Variants in PTK2 observed in about 807,000 individuals in gnomAD.
PTK2 encodes the protein focal adhesion kinase 1.
PTK2 carries 45 observed loss-of-function variants against 150.1 expected under a neutral mutation model. The ratio of observed to expected loss-of-function variants is 0.30; its 90% CI spans 0.24 to 0.38. PTK2 has a LOEUF of 0.38. Ranked by LOEUF, PTK2 falls within the 10% of genes least tolerant of loss-of-function variation. The probability of loss-of-function intolerance (pLI) is 1.00; values close to 1 mark genes in which losing one functional copy is unlikely to be tolerated. For missense variants in PTK2, 919 were observed against 1,307.3 expected (o/e 0.70, Z 4.58); for synonymous variants, 432 against 449.2 (o/e 0.96, Z 0.48).
intron 2 of PTK2, among the ~76,000 whole-genome samples, chr8:140,910,135 A>G (rs1476922976): frequency 6.6e-6 from 1 of 152,212 alleles, no homozygotes; most frequent in Admixed American, 6.5e-5. Flanking sequence ...CAATTTTACA[A>G]AACAGTAAGA....
At chr8:140,819,074 C>T in intron 8 of PTK2, 54 bp from the exon 9 acceptor site, 1 of 1,565,892 alleles carries the variant, frequency 6.4e-7, no homozygotes, top group Non-Finnish European at 8.7e-7. Flanking sequence ...GAGTAAAGAC[C>T]ACAACAATAA....
At chr8:140,913,132 C>T (rs2100163879) in intron 2 of PTK2, among the ~76,000 whole-genome samples, 1 of 151,942 alleles carries the variant, frequency 6.6e-6, no homozygotes, top group Non-Finnish European at 1.5e-5. Context: ...ATATAAAGGT[C>T]AGAAAAGAAA....
chr8:140,923,336 G>A (rs2100168237), intron 2 of PTK2, among the ~76,000 whole-genome samples: 1 of 152,052 alleles, frequency 6.6e-6, no homozygotes, highest in Non-Finnish European at 1.5e-5. Flanking sequence ...CTTTTATCAA[G>A]CAACTATAGC....
intron 14 of PTK2, among the ~76,000 whole-genome samples, chr8:140,781,478 G>T (rs2100081659): frequency 6.6e-6 from 1 of 152,068 alleles, no homozygotes; most frequent in Admixed American, 6.5e-5. Context: ...ATAGCGTGGG[G>T]GCTGCTTGGG....
intron 16 of PTK2, among the ~76,000 whole-genome samples, chr8:140,755,025 T>C (rs978661835): frequency 2.6e-5 from 4 of 152,250 alleles, no homozygotes; most frequent in African/African-American, 9.6e-5. Context: ...TACCACCTTG[T>C]GGCCACTATG....
chr8:140,760,806 G>T (rs2100069003), intron 16 of PTK2, among the ~76,000 whole-genome samples: 1 of 151,970 alleles, frequency 6.6e-6, no homozygotes, highest in Non-Finnish European at 1.5e-5. Context: ...GGGTAAACTG[G>T]GGCAAATTAA....
chr8:140,868,176 T>C (rs565708848), intron 4 of PTK2, among the ~76,000 whole-genome samples: 1 of 152,256 alleles, frequency 6.6e-6, no homozygotes, highest in East Asian at 1.9e-4. Flanking sequence ...GGAGAGGGTA[T>C]GTTTTTGAAA....
At chr8:140,748,496 CAAAAA>C (rs61423469) in intron 17 of PTK2, among the ~76,000 whole-genome samples, 23 of 111,564 alleles carry the variant, frequency 2.1e-4, no homozygotes, top group South Asian at 8.9e-4. Flanking sequence ...GACTCTGTCT[CAAAAA>C]AAAAAAAAAA....
chr8:140,702,343 C>T (rs554420227), intron 25 of PTK2, among the ~76,000 whole-genome samples: 4 of 150,924 alleles, frequency 2.7e-5, no homozygotes, highest in Non-Finnish European at 5.9e-5. Context: ...CCCCAGCATC[C>T]CGAGTAGCTG....
intron 20 of PTK2, among the ~76,000 whole-genome samples, chr8:140,741,483 A>G (rs1325889960): frequency 6.6e-6 from 1 of 151,722 alleles, no homozygotes; most frequent in African/African-American, 2.4e-5. Flanking sequence ...ATAAATAAAA[A>G]TTAAAAATGA....
At chr8:140,831,637 C>T (rs953503454) in intron 7 of PTK2, among the ~76,000 whole-genome samples, 12 of 152,188 alleles carry the variant, frequency 7.9e-5, no homozygotes, top group African/African-American at 2.7e-4. Context: ...CTCATTCTTT[C>T]TTATTCTGAT....
chr8:140,674,903 G>T (rs1374882876), intron 28 of PTK2, among the ~76,000 whole-genome samples: 1 of 133,452 alleles, frequency 7.5e-6, no homozygotes, highest in Non-Finnish European at 1.7e-5. Flanking sequence ...AAAAAAAAAA[G>T]AAAAGAAAAG....
intron 26 of PTK2, chr8:140,687,049 A>C (rs1212342079): frequency 3.9e-6 from 1 of 256,472 alleles, no homozygotes; most frequent in Non-Finnish European, 7.5e-6. Context: ...GCTTTCTGAC[A>C]GAATATGGCT....
chr8:140,746,744 T>G lies in PTK2; in HGVS notation c.1518+16A>C, dbSNP rs73714745. 6.4e-6 allele frequency: 10 copies of G among 1,566,754 alleles called. No homozygotes were observed. The highest frequency in any genetic ancestry group is 8.7e-6 in the Non-Finnish European group (10 of 1,147,294). ...AAACGCTGAGTCCAGAAGGTAAGAT[T>G]TGGGGATCACAGTACCTCTCCAAGT... On this transcript the variant is annotated intron_variant, in intron 18 of 31. Coordinates refer to ENST00000522684, the Ensembl canonical transcript of PTK2.
chr8:140,695,060 T>C (rs1465481558), intron 26 of PTK2, among the ~76,000 whole-genome samples: 1 of 152,230 alleles, frequency 6.6e-6, no homozygotes, highest in Non-Finnish European at 1.5e-5. Context: ...TCCAGCTGCC[T>C]CCTCTGCATT....
At chr8:140,773,955 A>AAT (rs2100076997) in intron 14 of PTK2, among the ~76,000 whole-genome samples, 1 of 152,036 alleles carries the variant, frequency 6.6e-6, no homozygotes, top group Non-Finnish European at 1.5e-5. Flanking sequence ...GGGACTGATA[A>AAT]ATTTTGCAGA....
chr8:140,754,179 A>T (rs894297113), intron 16 of PTK2, among the ~76,000 whole-genome samples: 1 of 152,224 alleles, frequency 6.6e-6, no homozygotes, highest in Non-Finnish European at 1.5e-5. Context: ...CCCATGTGCC[A>T]GATGCCTCAA....
rs41272411 is a variant in PTK2 at position 140,762,292 on chromosome 8, A to G, written c.1235-1030T>C. ...AAATAGTTTAAAAATAAGTTAACCA[A>G]AAACTGAAACATCCCATATCACTCC... On this transcript the variant is annotated intron_variant, in intron 15 of 31. Coordinates refer to ENST00000522684, the Ensembl canonical transcript of PTK2. 7,317 of 883,222 alleles carry G rather than the reference A, an allele frequency of 8.3e-3. 29 individuals are homozygous for G. Among genetic ancestry groups the G allele is most frequent in the Non-Finnish European group, 9.4e-3 (6,674 of 713,574 alleles). 54.7% of individuals were successfully genotyped at this position (883,222 alleles called of 1,614,324 possible). A position where few individuals can be genotyped will look rare whatever the true frequency, so the allele number is the denominator to read the frequency against.
intron 1 of PTK2, among the ~76,000 whole-genome samples, chr8:140,996,419 A>G (rs1292938724): frequency 6.6e-6 from 1 of 152,252 alleles, no homozygotes; most frequent in Non-Finnish European, 1.5e-5. Context: ...TGGCTACACT[A>G]AACACATTTT....
Sources: gnomAD v4.1 joint callset for allele counts (sites outside exome capture counted in the v4.1 genomes callset) on GRCh38, gnomAD v4.1.1 for gene constraint, MANE v1.5 for transcripts, NCBI Gene and HGNC (gene_info 2026-07-23, HGNC 2026-07-21) for gene names.